IL19: variants seen among roughly 807,000 people sequenced by gnomAD.
The protein encoded by IL19 is interleukin-19.
A neutral mutation model predicts 19.5 loss-of-function variants in IL19; 15 were observed. That is an observed-to-expected ratio of 0.77 (90% CI 0.52 to 1.19). The LOEUF (loss-of-function observed/expected upper bound fraction) is 1.19. IL19 is among the 50% of genes most tolerant of loss of function. IL19 has a pLI of 0.00. For synonymous variants in IL19, 78 were observed against 78.3 expected (o/e 1.00, Z 0.02); for missense variants, 199 against 213.1 (o/e 0.93, Z 0.41).
At position 206,837,027 on chromosome 1, in the gene IL19, T is replaced by G; in HGVS notation, c.210+4T>G. The G allele has an allele frequency of 6.2e-7, 1 of 1,609,832 alleles. No homozygotes were observed. The highest frequency in any genetic ancestry group is 8.5e-7 in the Non-Finnish European group (1 of 1,176,326). On this transcript the variant is annotated splice_donor_region_variant and intron_variant, in intron 4 of 6. Transcript: ENST00000659997. ...GGAGACTCTGCAGATCATTAAGGTA[T>G]TGGCCTGTGTCTGCTTTTTCCAGTA...
chr1:206,818,410 TAATTATGTTC>T (rs1348942874), intron 2 of IL19, among the ~76,000 whole-genome samples: 2 of 152,228 alleles, frequency 1.3e-5, no homozygotes, highest in Non-Finnish European at 2.9e-5. Context: ...AATCTCAAGA[TAATTATGTTC>T]AGTTGAAACC....
intron 2 of IL19, among the ~76,000 whole-genome samples, chr1:206,809,126 AC>A (rs1675935291): frequency 6.6e-6 from 1 of 152,126 alleles, no homozygotes; most frequent in African/African-American, 2.4e-5. Context: ...TGTTGCCCCC[AC>A]TGCTTCACCT....
chr1:206,801,416 C>T (rs1675706186), intron 2 of IL19, among the ~76,000 whole-genome samples: 1 of 152,244 alleles, frequency 6.6e-6, no homozygotes, highest in Non-Finnish European at 1.5e-5. Context: ...AGACTCAAGG[C>T]CATTGGCACC....
chr1:206,836,832 T>A (rs1225298048), intron 3 of IL19, 26 bp downstream of exon 3: 2 of 1,613,618 alleles, frequency 1.2e-6, no homozygotes, highest in Non-Finnish European at 1.7e-6. Flanking sequence ...TGTAAAGGTG[T>A]GGATGACGGA....
intron 1 of IL19, among the ~76,000 whole-genome samples, chr1:206,792,344 A>T (rs897438144): frequency 2.6e-5 from 4 of 152,134 alleles, no homozygotes; most frequent in East Asian, 3.8e-4. Context: ...GGCTGTATTT[A>T]TGAGCAGTGA....
intron 2 of IL19, chr1:206,834,466 T>C (rs1055292794): frequency 4.1e-5 from 40 of 983,812 alleles, no homozygotes; most frequent in Non-Finnish European, 4.7e-5. Flanking sequence ...CCTCCTTCAC[T>C]GCCGCAGGGA....
At chr1:206,825,189 A>G (rs1222066565) in intron 2 of IL19, among the ~76,000 whole-genome samples, 1 of 152,240 alleles carries the variant, frequency 6.6e-6, no homozygotes, top group Non-Finnish European at 1.5e-5. Flanking sequence ...TATTGAATCA[A>G]CTTCTCAAAT....
At position 206,833,383 on chromosome 1, in the gene IL19, C is replaced by T. The variant is rs74148868; in HGVS notation, c.-2-3278C>T. ...TTCAGGATTTGGCTATTATCTTTCTCTCTCCTGATTTCTCAGAAGGTTAGA... is the reference window on the plus strand; with the variant it reads ...TTCAGGATTTGGCTATTATCTTTCTTTCTCCTGATTTCTCAGAAGGTTAGA... On this transcript the variant is annotated intron_variant, in intron 2 of 6. Coordinates refer to ENST00000659997, the MANE Select transcript of IL19 (RefSeq NM_153758.5). Among the ~76,000 whole-genome samples, 412 of 152,360 alleles carry T rather than the reference C, an allele frequency of 2.7e-3. 1 individual carries two copies. The highest frequency in any genetic ancestry group is 9.5e-3 in the African/African-American group (394 of 41,592).
rs908874893 is a variant in IL19, at chr1:206,806,427, A to C, written c.-3+7421A>C. ...AAATACTACAAAAACTCAATAAATAAATAGGCAGGGAGAAAACAAGTCAAG... is the reference window on the plus strand; with the variant it reads ...AAATACTACAAAAACTCAATAAATACATAGGCAGGGAGAAAACAAGTCAAG... On this transcript the variant is annotated intron_variant, in intron 2 of 6. Coordinates refer to ENST00000659997, the MANE Select transcript of IL19 (RefSeq NM_153758.5). Among the ~76,000 whole-genome samples, 15 of 152,330 alleles carry C rather than the reference A, an allele frequency of 9.8e-5. No homozygotes were observed. The South Asian group carries it at 3.1e-3, about 32-fold the overall frequency.
intron 1 of IL19, among the ~76,000 whole-genome samples, chr1:206,780,317 G>A (rs558949370): frequency 2.0e-4 from 30 of 152,232 alleles, no homozygotes; most frequent in Non-Finnish European, 3.7e-4. Flanking sequence ...ACTCAGCATG[G>A]TTCTGGGCAC....
intron 1 of IL19, among the ~76,000 whole-genome samples, chr1:206,797,278 C>T (rs1274440560): frequency 3.0e-4 from 4 of 13,274 alleles, no homozygotes; most frequent in South Asian, 4.9e-3. Context: ...TCTTGCTCAA[C>T]TGGTGTAGAA....
chr1:206,834,538 G>GAA, intron 2 of IL19: 1 of 663,528 alleles, frequency 1.5e-6, no homozygotes, highest in Non-Finnish European at 1.9e-6. Context: ...TGGTAGAATG[G>GAA]GAAGGGGTAC....
intron 2 of IL19, among the ~76,000 whole-genome samples, chr1:206,823,247 TC>T (rs1162225878): frequency 1.3e-5 from 2 of 151,994 alleles, no homozygotes; most frequent in African/African-American, 4.8e-5. Flanking sequence ...TTCTAGGTGA[TC>T]CAAGTTAGAA....
intron 1 of IL19, among the ~76,000 whole-genome samples, chr1:206,775,295 G>GC (rs1396845094): frequency 2.0e-5 from 3 of 151,824 alleles, no homozygotes; most frequent in African/African-American, 7.3e-5. Flanking sequence ...CTTATGATCC[G>GC]CCCGCCTTGG....
chr1:206,837,643 G>T (rs1002968067), intron 4 of IL19, among the ~76,000 whole-genome samples: 17 of 152,082 alleles, frequency 1.1e-4, no homozygotes, highest in Non-Finnish European at 2.2e-4. Flanking sequence ...TGAGATCGGG[G>T]CTTGAGACCA....
intron 1 of IL19, among the ~76,000 whole-genome samples, chr1:206,782,853 T>A (rs1383594243): frequency 6.6e-6 from 1 of 152,226 alleles, no homozygotes; most frequent in Non-Finnish European, 1.5e-5. Context: ...CTGCCTTTTA[T>A]TCTCCTCTCT....
Position 206,842,526 on chromosome 1 carries a change from G to C in IL19, c.439-1G>C, listed in dbSNP as rs964764168. 1.3e-5 allele frequency: 20 copies of C among 1,554,900 alleles called. No homozygotes were observed. Among genetic ancestry groups the C allele is most frequent in the Non-Finnish European group, 1.7e-5 (19 of 1,145,346 alleles). The stretch of plus-strand genomic sequence containing the variant: ...GTTCTTACATTGATCTCTGATTTCA[G>C]CTGGAGGTCCACGCTGCTGCCATTA... On this transcript the variant is annotated splice_acceptor_variant, in intron 6 of 6. Transcript: ENST00000659997. LOFTEE classifies it high-confidence loss of function.
intron 2 of IL19, among the ~76,000 whole-genome samples, chr1:206,822,774 A>G (rs938360625): frequency 1.3e-5 from 2 of 152,008 alleles, no homozygotes. Context: ...GTGTCCCCCA[A>G]CGCTTCGGTG....
At chr1:206,838,756 C>A (rs1018477409) in intron 4 of IL19, among the ~76,000 whole-genome samples, 2 of 126,830 alleles carry the variant, frequency 1.6e-5, no homozygotes, top group Non-Finnish European at 3.4e-5. Context: ...CTTCCCTTCC[C>A]TTCCCTTCCC....
Sources: allele counts gnomAD v4.1 joint callset (sites outside exome capture counted in the v4.1 genomes callset), GRCh38; gene constraint gnomAD v4.1.1; transcripts MANE v1.5; gene names NCBI Gene and HGNC (gene_info 2026-07-23, HGNC 2026-07-21).